The following ZNF432 variants were observed in gnomAD, a reference collection of about 807,000 sequenced individuals.
ZNF432 encodes zinc finger protein 432.
In ZNF432, 10 loss-of-function variants were observed where a neutral mutation model predicts 13.9. The ratio of observed to expected loss-of-function variants is 0.72; its 90% CI spans 0.44 to 1.22. ZNF432 has a LOEUF of 1.22. Among genes scored for constraint, ZNF432 ranks in the 50% most tolerant of loss-of-function variants. ZNF432 has a pLI of 0.00. For missense variants in ZNF432, 793 were observed against 796.2 expected (o/e 1.00, Z 0.05); for synonymous variants, 247 against 256.2 (o/e 0.96, Z 0.34).
intron 2 of ZNF432, among the ~76,000 whole-genome samples, chr19:52,043,318 T>C (rs1470150653): frequency 1.3e-5 from 2 of 152,212 alleles, no homozygotes; most frequent in Non-Finnish European, 2.9e-5. Flanking sequence ...GTTAAATGGA[T>C]TAAGGGCGGT....
chr19:52,034,255 T>G lies in ZNF432; in HGVS notation c.1424A>C (p.His475Pro). Residue 475 changes from histidine to proline, a missense_variant, in exon 5 of 5, where the codon CAT becomes CCT. By Grantham distance (77) the His-to-Pro change is moderately conservative. Transcript: ENST00000221315. ...GFPLKSRLIVHQRTHTGEKPY... is the reference protein window; with the variant it reads ...GFPLKSRLIVPQRTHTGEKPY... ...TTTCTCTCCAGTATGAGTTCGCTGA[T>G]GTACAATCAGCCGACTCTTCAAGGG... The G allele has an allele frequency of 6.2e-7, 1 of 1,614,184 alleles. No individual in the cohort carries two copies. The highest frequency in any genetic ancestry group is 8.5e-7 in the Non-Finnish European group (1 of 1,179,998).
chr19:52,032,945 G>A lies in ZNF432; in HGVS notation c.*775C>T, dbSNP rs904891815. 3.3e-5 allele frequency: 5 copies of A among 152,126 alleles called. No homozygotes were observed. Among genetic ancestry groups the A allele is most frequent in the African/African-American group, 7.2e-5 (3 of 41,426 alleles). 9.4% of individuals were successfully genotyped at this position (152,126 alleles called of 1,614,324 possible). On this transcript the variant is annotated 3_prime_UTR_variant, in exon 5 of 5. Coordinates refer to ENST00000221315, the MANE Select transcript of ZNF432 (RefSeq NM_014650.4). ...GTTAAGGTTTTATTTCTGGGCAAAG[G>A]CTTTCCCATGATAATGCTGCTAGTA...
At position 52,034,628 on chromosome 19, in the gene ZNF432, C is replaced by T. The variant is rs1190442653; in HGVS notation, c.1051G>A (p.Gly351Arg). The stretch of plus-strand genomic sequence containing the variant: ...TAGTGTTTTGTGGTGAAGCCTTTCC[C>T]ACATTCACTACAGATGTAGGGCTTC... ...GEKPYICSECGKGFTTKHYVI... is the reference protein window; with the variant it reads ...GEKPYICSECRKGFTTKHYVI... Residue 351 changes from glycine to arginine, a missense_variant, in exon 5 of 5, where the codon GGG (glycine) becomes AGG (arginine). Physicochemically the swap from Gly to Arg is moderately radical, Grantham distance 125. Transcript: ENST00000221315. 5 of 1,613,380 alleles carry T rather than the reference C, an allele frequency of 3.1e-6. No individual in the cohort carries two copies. In the Admixed American group the frequency reaches 8.3e-5, roughly 27 times the overall value.
intron 4 of ZNF432, among the ~76,000 whole-genome samples, chr19:52,036,411 A>G (rs2123148150): frequency 6.6e-6 from 1 of 152,368 alleles, no homozygotes; most frequent in East Asian, 1.9e-4. Flanking sequence ...TTAAATGATG[A>G]ATTCAATGGG....
At chr19:52,046,715 T>C in intron 2 of ZNF432, 139 bp downstream of exon 2, 1 of 826,074 alleles carries the variant, frequency 1.2e-6, no homozygotes, top group Non-Finnish European at 1.9e-6. Context: ...ACATAAACAC[T>C]ATATTCCTGA....
chr19:52,043,241 T>C (rs2087151832), intron 2 of ZNF432, among the ~76,000 whole-genome samples: 1 of 152,206 alleles, frequency 6.6e-6, no homozygotes, highest in African/African-American at 2.4e-5. Flanking sequence ...TGCCTTGAGA[T>C]TCTGTTAATC....
chr19:52,046,305 G>T (rs2087182645), intron 2 of ZNF432, among the ~76,000 whole-genome samples: 1 of 152,066 alleles, frequency 6.6e-6, no homozygotes, highest in Admixed American at 6.5e-5. Flanking sequence ...TCCTAAATAA[G>T]CTCACACAGA....
At chr19:52,035,764 C>T (rs1418242723) in intron 4 of ZNF432, among the ~76,000 whole-genome samples, 1 of 152,090 alleles carries the variant, frequency 6.6e-6, no homozygotes, top group Non-Finnish European at 1.5e-5. Flanking sequence ...AACTCCTGAC[C>T]TCCAGTGATA....
At chr19:52,043,633 T>A (rs1258273278) in intron 2 of ZNF432, among the ~76,000 whole-genome samples, 1 of 152,114 alleles carries the variant, frequency 6.6e-6, no homozygotes, top group Non-Finnish European at 1.5e-5. Flanking sequence ...ATCTGTCTCC[T>A]GCCCGTCCCT....
At chr19:52,045,765 C>T (rs1334900097) in intron 2 of ZNF432, among the ~76,000 whole-genome samples, 60 of 150,734 alleles carry the variant, frequency 4.0e-4, no homozygotes, top group African/African-American at 1.4e-3. Context: ...GAGGCCGAGG[C>T]GGGTGGATCA....
Position 52,040,508 on chromosome 19 carries a change from C to T in ZNF432, c.218G>A (p.Arg73Lys), listed in dbSNP as rs754403451. The change falls in exon 4 of 5, where the codon AGG (arginine) becomes AAG (lysine). Residue 73 changes from arginine to lysine, a missense_variant. Transcript: ENST00000221315. ...GEEPWTMEDERHSRICPENNE... is the reference protein window; with the variant it reads ...GEEPWTMEDEKHSRICPENNE... ...CATACCTGGACAGATTCGACTGTGC[C>T]TTTCATCTTCCATTGTCCATGGTTC... 2.5e-6 allele frequency: 4 copies of T among 1,614,040 alleles called. No homozygotes were observed. In the African/African-American group the frequency reaches 5.3e-5, roughly 22 times the overall value.
chr19:52,041,419 C>A, intron 3 of ZNF432, 61 bp downstream of exon 3: 1 of 1,516,000 alleles, frequency 6.6e-7, no homozygotes, highest in Non-Finnish European at 8.8e-7. Flanking sequence ...GGGTAAGCAA[C>A]TGAGAAAGCA....
At chr19:52,040,738 C>G (rs981013601) in intron 3 of ZNF432, among the ~76,000 whole-genome samples, 155 bp from the exon 4 acceptor site, 1 of 152,016 alleles carries the variant, frequency 6.6e-6, no homozygotes, top group South Asian at 2.1e-4. Context: ...ACCTTAATAT[C>G]TGAAAATTTC....
In ZNF432 at chr19:52,033,649, A is replaced by G; in HGVS notation, c.*71T>C. The G allele has an allele frequency of 6.7e-7, 1 of 1,481,894 alleles. No homozygotes were observed. The highest frequency in any genetic ancestry group is 9.0e-7 in the Non-Finnish European group (1 of 1,104,994). 91.8% of individuals were successfully genotyped at this position (1,481,894 alleles called of 1,614,324 possible). A position where few individuals can be genotyped will look rare whatever the true frequency, so the allele number is the denominator to read the frequency against. On this transcript the variant is annotated 3_prime_UTR_variant, in exon 5 of 5. Coordinates refer to ENST00000221315, the MANE Select transcript of ZNF432 (RefSeq NM_014650.4). ...TACTCAGTACACATGTAGAAAATCT[A>G]TACTGTGAAATCTCTGATGTTGTAC...
At chr19:52,046,810 TC>T (rs1378291259) in intron 2 of ZNF432, 43 bp downstream of exon 2, 1 of 1,597,454 alleles carries the variant, frequency 6.3e-7, no homozygotes, top group African/African-American at 1.3e-5. Context: ...TCTCTACAAA[TC>T]CACTATGGAA....
chr19:52,040,222 T>C (rs755026482), intron 4 of ZNF432: 100 of 478,918 alleles, frequency 2.1e-4, no homozygotes, highest in Middle Eastern at 5.9e-4. Context: ...CAGTCCTTTC[T>C]AGGTAAACAG....
rs779711627 is a variant in ZNF432 at position 52,034,888 on chromosome 19, C to T, written c.791G>A (p.Ser264Asn). Residue 264 changes from serine (S) to asparagine (N), a missense_variant, in exon 5 of 5, where the codon AGT (serine) becomes AAT (asparagine). Coordinates refer to ENST00000221315, the MANE Select transcript of ZNF432 (RefSeq NM_014650.4). ...IHKREKSFICSECGKVFTMKS... is the reference protein window; with the variant it reads ...IHKREKSFICNECGKVFTMKS... ...CATAGTGAAGACTTTTCCACATTCA[C>T]TGCATATAAAAGATTTCTCTCTTTT... 6.2e-7 allele frequency: 1 copy of T among 1,613,788 alleles called. No individual in the cohort carries two copies.
In ZNF432 at chr19:52,033,907, T is replaced by C. The variant is rs746015976; in HGVS notation, c.1772A>G (p.His591Arg). 8.7e-6 allele frequency: 14 copies of C among 1,614,050 alleles called. No homozygotes were observed. The highest frequency in any genetic ancestry group is 1.3e-5 in the African/African-American group (1 of 75,048). Residue 591 changes from histidine (H) to arginine (R), a missense_variant, in exon 5 of 5, where the codon CAT becomes CGT. Coordinates refer to ENST00000221315, the MANE Select transcript of ZNF432 (RefSeq NM_014650.4). The part of the protein sequence containing the change: ...ETELALHKQV[H>R]TGEKPYGCNE... ...ACATCCATAAGGTTTTTCTCCAGTA[T>C]GAACTTGCTTATGTAAAGCAAGCTC... is the stretch of plus-strand genomic sequence containing the variant.
Position 52,039,845 on chromosome 19 carries a change from A to AAG in ZNF432, c.238+641_238+642dup, listed in dbSNP as rs1489941970. 4.1e-4 allele frequency among the ~76,000 whole-genome samples: 62 copies of AAG among 150,982 alleles called. 1 individual carries two copies. Among genetic ancestry groups the AAG allele is most frequent in the Admixed American group, 1.4e-3 (21 of 15,190 alleles). On this transcript the variant is annotated intron_variant, in intron 4 of 4. Coordinates refer to ENST00000221315, the MANE Select transcript of ZNF432 (RefSeq NM_014650.4). The stretch of plus-strand genomic sequence containing the variant: ...CTCCATCTCAAAAAAAAAAAAAAAA[A>AAG]AGAAAAGAAAAGAAAAAGAAAGTAG...
Sources: allele counts gnomAD v4.1 joint callset (sites outside exome capture counted in the v4.1 genomes callset), GRCh38; gene constraint gnomAD v4.1.1; transcripts MANE v1.5; gene names NCBI Gene and HGNC (gene_info 2026-07-23, HGNC 2026-07-21).